Variants in ASIC2 observed in about 807,000 individuals in gnomAD.
The protein encoded by ASIC2 is acid-sensing ion channel 2.
In ASIC2, 25 loss-of-function variants were observed where a neutral mutation model predicts 57.3. The observed-to-expected ratio is 0.44, with a 90% CI of 0.32 to 0.61. ASIC2 has a LOEUF of 0.61. ASIC2 is among the 20% of genes least tolerant of loss of function. The probability of loss-of-function intolerance (pLI) is 0.06; values close to 1 mark genes in which losing one functional copy is unlikely to be tolerated. For missense variants in ASIC2, 641 were observed against 738.1 expected, an observed-to-expected ratio of 0.87 and a Z score of 1.52; for synonymous variants, 319 against 307.5, an observed-to-expected ratio of 1.04 and a Z score of -0.39.
intron 1 of ASIC2, among the ~76,000 whole-genome samples, chr17:33,510,499 G>A (rs982954938): frequency 6.6e-6 from 1 of 152,004 alleles, no homozygotes; most frequent in African/African-American, 2.4e-5. Context: ...AACAGAATTA[G>A]TTGGGTGTGG....
chr17:33,197,818 C>T (rs543948477), intron 1 of ASIC2, among the ~76,000 whole-genome samples: 5 of 152,216 alleles, frequency 3.3e-5, no homozygotes, highest in East Asian at 1.9e-4. Flanking sequence ...GAATTCAAAC[C>T]GGGCTTTGTA....
At position 34,142,223 on chromosome 17, in the gene ASIC2, A is replaced by T. The variant is rs533887018; in HGVS notation, c.555+13755T>A. 2.0e-5 allele frequency among the ~76,000 whole-genome samples: 3 copies of T among 152,188 alleles called. No individual in the cohort carries two copies. In the East Asian group the frequency reaches 5.8e-4, roughly 29 times the overall value. ...AAATTACCTACACATCATAGTGGGC[A>T]TGCTGGAGACCCTGCCCAATCACTC... On this transcript the variant is annotated intron_variant, in intron 1 of 9. Coordinates refer to the ASIC2 transcript ENST00000359872.
chr17:33,729,351 T>G (rs1909666029), intron 1 of ASIC2, among the ~76,000 whole-genome samples: 1 of 152,190 alleles, frequency 6.6e-6, no homozygotes, highest in Admixed American at 6.5e-5. Context: ...GGCACCAAGC[T>G]GGTGCCTTCC....
intron 1 of ASIC2, among the ~76,000 whole-genome samples, chr17:33,536,647 G>A (rs1915239592): frequency 6.6e-6 from 1 of 152,098 alleles, no homozygotes; most frequent in Admixed American, 6.6e-5. Flanking sequence ...CTCCTAACTG[G>A]TCTTCCTGTA....
chr17:33,662,812 C>T (rs537692852), intron 1 of ASIC2, among the ~76,000 whole-genome samples: 1 of 135,600 alleles, frequency 7.4e-6, no homozygotes, highest in African/African-American at 2.7e-5. Flanking sequence ...AGGGTAATTA[C>T]AAGAATATGT....
intron 1 of ASIC2, among the ~76,000 whole-genome samples, chr17:33,336,414 T>C (rs1344612918): frequency 6.6e-6 from 1 of 152,182 alleles, no homozygotes; most frequent in Non-Finnish European, 1.5e-5. Context: ...AAATGTTGTT[T>C]ATTTTCGTTG....
At chr17:33,462,904 G>A (rs1310853910) in intron 1 of ASIC2, among the ~76,000 whole-genome samples, 1 of 152,184 alleles carries the variant, frequency 6.6e-6, no homozygotes, top group Non-Finnish European at 1.5e-5. Flanking sequence ...ATAGTGATGA[G>A]AGAGGTGATG....
chr17:33,270,987 A>T (rs999631244), intron 1 of ASIC2, among the ~76,000 whole-genome samples: 7 of 152,220 alleles, frequency 4.6e-5, no homozygotes, highest in Non-Finnish European at 7.3e-5. Flanking sequence ...AAGAAATGGC[A>T]CCACCAGGAC....
At chr17:33,400,666 A>C (rs1004942017) in intron 1 of ASIC2, among the ~76,000 whole-genome samples, 5 of 152,230 alleles carry the variant, frequency 3.3e-5, no homozygotes, top group African/African-American at 1.2e-4. Flanking sequence ...GACTTAAAAA[A>C]AGATCATTTA....
intron 1 of ASIC2, among the ~76,000 whole-genome samples, chr17:33,957,020 A>G (rs1232570411): frequency 1.3e-5 from 2 of 152,200 alleles, no homozygotes; most frequent in Non-Finnish European, 2.9e-5. Flanking sequence ...TGACAATCAG[A>G]ATAATGGGGA....
At chr17:33,082,294 TG>T (rs1744145572) in intron 3 of ASIC2, among the ~76,000 whole-genome samples, 1 of 150,948 alleles carries the variant, frequency 6.6e-6, no homozygotes, top group Non-Finnish European at 1.5e-5. Context: ...ATAAGCAAAG[TG>T]GTTGAATAAA....
chr17:33,788,810 C>T (rs897929907), intron 1 of ASIC2, among the ~76,000 whole-genome samples: 1 of 152,050 alleles, frequency 6.6e-6, no homozygotes, highest in Non-Finnish European at 1.5e-5. Flanking sequence ...AACAGAAAAC[C>T]AAACATTGCA....
Position 34,038,044 on chromosome 17 carries a change from C to T in ASIC2, c.555+117934G>A, listed in dbSNP as rs1907958375. 6 of 1,613,250 alleles carry T rather than the reference C, an allele frequency of 3.7e-6. No individual in the cohort carries two copies. In the Admixed American group the frequency reaches 5.0e-5, roughly 13 times the overall value. On this transcript the variant is annotated intron_variant, in intron 1 of 9. Coordinates refer to the ASIC2 transcript ENST00000359872. ...AAGTACCAGCACCTTGTGATGTTAG[C>T]TCCATGCCATCCACTGAATTGTAGC...
intron 1 of ASIC2, among the ~76,000 whole-genome samples, chr17:33,869,101 G>A (rs555075646): frequency 6.6e-6 from 1 of 152,230 alleles, no homozygotes; most frequent in African/African-American, 2.4e-5. Flanking sequence ...CAAAGGATAT[G>A]AATAGATAAT....
intron 1 of ASIC2, among the ~76,000 whole-genome samples, chr17:33,840,740 A>G (rs763473582): frequency 3.9e-5 from 6 of 151,994 alleles, no homozygotes; most frequent in Non-Finnish European, 8.8e-5. Context: ...TGCTTTAAAT[A>G]AAGACATGGA....
At chr17:33,728,878 C>T (rs558197255) in intron 1 of ASIC2, among the ~76,000 whole-genome samples, 1 of 152,228 alleles carries the variant, frequency 6.6e-6, no homozygotes, top group East Asian at 1.9e-4. Context: ...GTGGGTGCAT[C>T]CAAATTGTTA....
chr17:33,474,185 G>A (rs1340736469), intron 1 of ASIC2, among the ~76,000 whole-genome samples: 1 of 152,132 alleles, frequency 6.6e-6, no homozygotes, highest in East Asian at 1.9e-4. Flanking sequence ...TGGACTACAT[G>A]GTGAAACCCC....
chr17:33,463,353 T>C (rs566498765), intron 1 of ASIC2, among the ~76,000 whole-genome samples: 1 of 152,238 alleles, frequency 6.6e-6, no homozygotes, highest in Non-Finnish European at 1.5e-5. Flanking sequence ...ACTGTCTTAA[T>C]GCATCATGAT....
intron 1 of ASIC2, among the ~76,000 whole-genome samples, chr17:33,916,289 C>T (rs942171267): frequency 6.6e-6 from 1 of 152,108 alleles, no homozygotes. Context: ...TTTCTCTTTG[C>T]TGTTGGATTT....
Sources: gnomAD v4.1 joint callset for allele counts (sites outside exome capture counted in the v4.1 genomes callset) on GRCh38, gnomAD v4.1.1 for gene constraint, MANE v1.5 for transcripts, NCBI Gene and HGNC (gene_info 2026-07-23, HGNC 2026-07-21) for gene names.